CLVS1: variants seen among roughly 807,000 people sequenced by gnomAD.
CLVS1 encodes clavesin 1, also known as clavesin-1.
In CLVS1, 10 loss-of-function variants were observed where a neutral mutation model predicts 33.1. That is an observed-to-expected ratio of 0.30 (90% CI 0.19 to 0.51). CLVS1 has a LOEUF of 0.51. Ranked by LOEUF, CLVS1 falls within the 20% of genes least tolerant of loss-of-function variation. The pLI is 0.97. For missense variants in CLVS1, 343 were observed against 433.4 expected, an observed-to-expected ratio of 0.79 and a Z score of 1.85; for synonymous variants, 163 against 166.1, an observed-to-expected ratio of 0.98 and a Z score of 0.14.
At chr8:60,994,367 G>A in the CLVS1 span, among the ~76,000 whole-genome samples, 2 of 152,080 alleles carry the variant, frequency 1.3e-5, no homozygotes, top group Admixed American at 1.3e-4. Flanking sequence ...TAAATTTGAG[G>A]GGGACATAAC....
chr8:61,083,768 G>C (rs979187700), intron 1 of CLVS1, among the ~76,000 whole-genome samples: 2 of 152,110 alleles, frequency 1.3e-5, no homozygotes, highest in African/African-American at 4.8e-5. Flanking sequence ...GAAGAAAAAA[G>C]ATGGAGATGG....
At chr8:61,008,011 T>C in the CLVS1 span, among the ~76,000 whole-genome samples, 1 of 152,290 alleles carries the variant, frequency 6.6e-6, no homozygotes, top group Admixed American at 6.5e-5. Context: ...CAGGGACTCC[T>C]GCCCAGGAAC....
chr8:61,185,155 G>T (rs2882277), intron 2 of CLVS1, among the ~76,000 whole-genome samples: 103,003 of 142,928 alleles, frequency 0.72, 37,176 homozygotes, highest in Middle Eastern at 0.88. Flanking sequence ...TTTTGTTTTT[G>T]TTTTTTGTGA....
intron 5 of CLVS1, among the ~76,000 whole-genome samples, chr8:61,492,437 C>T (rs2640236): frequency 0.026 from 3,913 of 152,254 alleles, 58 homozygotes; most frequent in African/African-American, 0.045. Flanking sequence ...TCAGTAGCCT[C>T]TTGTGGTCAG....
chr8:61,149,945 G>A (rs558788298), intron 2 of CLVS1, among the ~76,000 whole-genome samples: 2 of 152,280 alleles, frequency 1.3e-5, no homozygotes, highest in South Asian at 2.1e-4. Flanking sequence ...TGTGGATTCT[G>A]CTTATTAAGG....
At chr8:61,335,128 A>T (rs140738229) in intron 2 of CLVS1, among the ~76,000 whole-genome samples, 144 of 152,362 alleles carry the variant, frequency 9.5e-4, no homozygotes, top group African/African-American at 3.2e-3. Flanking sequence ...CAGCTGATCC[A>T]TCAAGTGCAG....
chr8:61,051,354 C>T, the CLVS1 span, among the ~76,000 whole-genome samples: 1 of 152,220 alleles, frequency 6.6e-6, no homozygotes, highest in Non-Finnish European at 1.5e-5. Flanking sequence ...TAAGGCACCT[C>T]TAAATTTTAT....
chr8:61,467,057 A>G (rs1817572642), intron 5 of CLVS1, among the ~76,000 whole-genome samples: 1 of 152,212 alleles, frequency 6.6e-6, no homozygotes, highest in Non-Finnish European at 1.5e-5. Context: ...ATGTATCTGT[A>G]TGTATACACA....
intron 2 of CLVS1, among the ~76,000 whole-genome samples, chr8:61,178,056 A>G (rs1300930774): frequency 1.3e-5 from 2 of 152,258 alleles, no homozygotes. Flanking sequence ...TGCCAAGGTA[A>G]AGGAACATGC....
At chr8:61,418,638 C>G (rs76070253) in intron 3 of CLVS1, among the ~76,000 whole-genome samples, 2,026 of 152,204 alleles carry the variant, frequency 0.013, 46 homozygotes, top group African/African-American at 0.047. Context: ...TTTTTTCCCA[C>G]TCAATATATT....
intron 3 of CLVS1, among the ~76,000 whole-genome samples, chr8:61,436,207 G>A (rs1056485178): frequency 6.6e-6 from 1 of 152,054 alleles, no homozygotes; most frequent in African/African-American, 2.4e-5. Flanking sequence ...CCTCTCTACT[G>A]GGTCATTCCC....
intron 5 of CLVS1, among the ~76,000 whole-genome samples, chr8:61,488,207 C>T (rs1208270539): frequency 6.6e-6 from 1 of 152,182 alleles, no homozygotes; most frequent in Non-Finnish European, 1.5e-5. Context: ...ACACCAAAAA[C>T]GTATGTAGTA....
At chr8:61,063,563 C>T (rs1302393902) in intron 1 of CLVS1, among the ~76,000 whole-genome samples, 1 of 152,078 alleles carries the variant, frequency 6.6e-6, no homozygotes, top group Non-Finnish European at 1.5e-5. Flanking sequence ...GAGAATACGG[C>T]AGGACCCAGT....
rs75698973 is a variant in CLVS1 at position 61,447,958 on chromosome 8, G to A, written c.631-6183G>A. On this transcript the variant is annotated intron_variant, in intron 3 of 5. Coordinates refer to ENST00000325897, the MANE Select transcript of CLVS1 (RefSeq NM_173519.3). ...GAATAAATCTACTGGCAACAAATTT[G>A]CTTAGTTTTCCTTAACCTGAGAATT... Among the ~76,000 whole-genome samples, 1,162 of 152,094 alleles carry A rather than the reference G, an allele frequency of 7.6e-3. 18 individuals carry two copies. Among genetic ancestry groups the A allele is most frequent in the African/African-American group, 0.027 (1,114 of 41,498 alleles).
intron 1 of CLVS1, among the ~76,000 whole-genome samples, chr8:61,064,537 A>ATTTT (rs35743247): frequency 1.1e-5 from 1 of 88,648 alleles, no homozygotes; most frequent in African/African-American, 3.6e-5. Context: ...TTCTTTGCCC[A>ATTTT]TTTTTTTTTT....
intron 1 of CLVS1, 35 bp downstream of exon 1, chr8:61,288,173 C>A (rs1216709070): frequency 2.2e-6 from 1 of 456,170 alleles, no homozygotes; most frequent in Non-Finnish European, 4.4e-6. Flanking sequence ...TCTGTATTTG[C>A]CGAGCCTCCC....
intron 3 of CLVS1, among the ~76,000 whole-genome samples, chr8:61,396,359 G>T (rs1311480965): frequency 1.3e-5 from 2 of 151,928 alleles, no homozygotes; most frequent in East Asian, 3.9e-4. Context: ...ATAAAAAATT[G>T]TTACAGCATT....
intron 2 of CLVS1, among the ~76,000 whole-genome samples, chr8:61,149,012 C>T (rs570781456): frequency 6.6e-6 from 1 of 152,020 alleles, no homozygotes; most frequent in African/African-American, 2.4e-5. Context: ...AAAAGCAGCC[C>T]CTCCCAGGCA....
intron 2 of CLVS1, among the ~76,000 whole-genome samples, chr8:61,273,512 G>C (rs1809495230): frequency 6.6e-6 from 1 of 152,250 alleles, no homozygotes; most frequent in Non-Finnish European, 1.5e-5. Context: ...GCTGTGGTGG[G>C]CTCCGCCCAG....
Sources: allele counts gnomAD v4.1 joint callset (sites outside exome capture counted in the v4.1 genomes callset), GRCh38; gene constraint gnomAD v4.1.1; transcripts MANE v1.5; gene names NCBI Gene and HGNC (gene_info 2026-07-23, HGNC 2026-07-21).